The following USP49 variants were observed in gnomAD, a reference collection of about 807,000 sequenced individuals.
The protein encoded by USP49 is ubiquitin specific peptidase 49.
A neutral mutation model predicts 58.6 loss-of-function variants in USP49; 24 were observed. The ratio of observed to expected loss-of-function variants is 0.41; its 90% CI spans 0.30 to 0.58. The LOEUF (loss-of-function observed/expected upper bound fraction) is 0.58. Ranked by LOEUF, USP49 falls within the 20% of genes least tolerant of loss-of-function variation. The probability of loss-of-function intolerance (pLI) is 0.30; values close to 1 mark genes in which losing one functional copy is unlikely to be tolerated. For missense variants in USP49, 703 were observed against 866.1 expected, an observed-to-expected ratio of 0.81 and a Z score of 2.36; for synonymous variants, 408 against 365.1, an observed-to-expected ratio of 1.12 and a Z score of -1.34.
At chr6:41,878,292 A>G (rs1471986255) in intron 2 of USP49, among the ~76,000 whole-genome samples, 1 of 152,178 alleles carries the variant, frequency 6.6e-6, no homozygotes, top group Non-Finnish European at 1.5e-5. Context: ...GGTAGAATTC[A>G]AGAATCCTAA....
At chr6:41,869,677 A>G (rs1774381377) in intron 3 of USP49, 1 of 151,818 alleles carries the variant, frequency 6.6e-6, no homozygotes, top group South Asian at 2.1e-4. Flanking sequence ...ACCACTGCAC[A>G]CCAATCTGGG....
At chr6:41,808,367 G>C (rs1773180811) in intron 3 of USP49, among the ~76,000 whole-genome samples, 1 of 150,656 alleles carries the variant, frequency 6.6e-6, no homozygotes, top group South Asian at 2.1e-4. Context: ...AATCAGAGAA[G>C]CCTTGTGGGC....
chr6:41,888,511 C>A (rs192160299), intron 2 of USP49, among the ~76,000 whole-genome samples: 45 of 151,888 alleles, frequency 3.0e-4, no homozygotes, highest in African/African-American at 1.1e-3. Context: ...TGGAGTACAA[C>A]AGCACGATCT....
At chr6:41,836,568 G>A (rs919943000) in intron 3 of USP49, among the ~76,000 whole-genome samples, 2 of 152,118 alleles carry the variant, frequency 1.3e-5, no homozygotes, top group African/African-American at 4.8e-5. Flanking sequence ...AATAGGAAGA[G>A]AAGAAGTCAA....
chr6:41,888,012 T>C (rs1011792977), intron 2 of USP49, among the ~76,000 whole-genome samples: 29 of 151,246 alleles, frequency 1.9e-4, no homozygotes, highest in African/African-American at 6.8e-4. Context: ...TTTTTCATCC[T>C]TATGAAAGGG....
rs550120703 is a variant in USP49 at position 41,813,609 on chromosome 6, C to T, written c.-28-6598G>A. Reference sequence around the variant, plus strand: ...TTCTGATCTATAAATCTGCTGATCACGCACATCCTCTCCTGCACAGCCCTT... The same window carrying T: ...TTCTGATCTATAAATCTGCTGATCATGCACATCCTCTCCTGCACAGCCCTT... On this transcript the variant is annotated intron_variant, in intron 3 of 7. Transcript: ENST00000682992. Among the ~76,000 whole-genome samples the T allele has an allele frequency of 3.3e-5, 5 of 152,282 alleles. No individual in the cohort carries two copies. In the East Asian group the frequency reaches 9.6e-4, roughly 29 times the overall value.
chr6:41,831,492 A>G (rs1475566694), intron 3 of USP49, among the ~76,000 whole-genome samples: 3 of 151,674 alleles, frequency 2.0e-5, no homozygotes, highest in African/African-American at 7.3e-5. Context: ...AAGCAGGAGA[A>G]TTGCTTGAAC....
intron 3 of USP49, among the ~76,000 whole-genome samples, chr6:41,845,261 G>A (rs1773902469): frequency 6.6e-6 from 1 of 152,132 alleles, no homozygotes; most frequent in Non-Finnish European, 1.5e-5. Flanking sequence ...AAATAGGCCA[G>A]GTGTGGTGGC....
intron 3 of USP49, among the ~76,000 whole-genome samples, chr6:41,857,298 TG>T (rs1388990188): frequency 6.6e-6 from 1 of 152,226 alleles, no homozygotes; most frequent in Non-Finnish European, 1.5e-5. Flanking sequence ...GTATTAAGCA[TG>T]TTATCTCCTT....
At chr6:41,851,113 G>GA (rs1774020045) in intron 3 of USP49, among the ~76,000 whole-genome samples, 1 of 152,124 alleles carries the variant, frequency 6.6e-6, no homozygotes, top group South Asian at 2.1e-4. Flanking sequence ...AAAAACTGAG[G>GA]AGGAGGGAAC....
chr6:41,888,700 G>A (rs1774760060), intron 2 of USP49, among the ~76,000 whole-genome samples: 1 of 152,104 alleles, frequency 6.6e-6, no homozygotes, highest in East Asian at 1.9e-4. Context: ...TGATCCACCC[G>A]CCTCAGCCTC....
chr6:41,866,713 G>C (rs996133194), intron 3 of USP49, among the ~76,000 whole-genome samples: 1 of 152,188 alleles, frequency 6.6e-6, no homozygotes, highest in African/African-American at 2.4e-5. Context: ...GAAAACAGCT[G>C]TATTCTCCTA....
At chr6:41,870,707 G>A (rs1247896768) in intron 3 of USP49, among the ~76,000 whole-genome samples, 2 of 16,192 alleles carry the variant, frequency 1.2e-4, no homozygotes, top group Non-Finnish European at 3.3e-4. Flanking sequence ...TTTTTTTTTG[G>A]TAGAGATGAG....
intron 3 of USP49, among the ~76,000 whole-genome samples, chr6:41,825,136 A>G (rs1363995572): frequency 6.6e-6 from 1 of 152,234 alleles, no homozygotes; most frequent in African/African-American, 2.4e-5. Flanking sequence ...CTGTTTTAAA[A>G]TATCAACCTC....
intron 2 of USP49, among the ~76,000 whole-genome samples, chr6:41,883,394 C>T (rs1484970989): frequency 6.7e-6 from 1 of 149,276 alleles, no homozygotes; most frequent in East Asian, 2.0e-4. Context: ...CAGTGGCTCA[C>T]GCTTGTAATC....
chr6:41,794,153 G>A lies in USP49; in HGVS notation c.*2380C>T, dbSNP rs767225375. On this transcript the variant is annotated 3_prime_UTR_variant, in exon 8 of 8. Transcript: ENST00000682992. ...AACGTCCTAAGTGTCCAGTGCTGCC[G>A]CCTCTGGGTACCTGAGGTGTCTGTA... 6.6e-6 allele frequency: 1 copy of A among 152,186 alleles called. No homozygotes were observed. Among genetic ancestry groups the A allele is most frequent in the African/African-American group, 2.4e-5 (1 of 41,412 alleles). 9.4% of individuals were successfully genotyped at this position (152,186 alleles called of 1,614,324 possible). A position where few individuals can be genotyped will look rare whatever the true frequency, so the allele number is the denominator to read the frequency against.
chr6:41,859,745 C>A (rs1246404830), intron 3 of USP49, among the ~76,000 whole-genome samples: 1 of 152,076 alleles, frequency 6.6e-6, no homozygotes, highest in Non-Finnish European at 1.5e-5. Context: ...ACTGAGAAAG[C>A]TACAGTAATT....
chr6:41,807,214 A>G (rs2127324940), intron 3 of USP49, among the ~76,000 whole-genome samples: 1 of 152,310 alleles, frequency 6.6e-6, no homozygotes, highest in East Asian at 1.9e-4. Flanking sequence ...CAGGACAGTT[A>G]AATTACTTAA....
chr6:41,861,186 G>A (rs2127354829), intron 3 of USP49, among the ~76,000 whole-genome samples: 1 of 152,168 alleles, frequency 6.6e-6, no homozygotes, highest in East Asian at 1.9e-4. Context: ...GCTCACGCCT[G>A]TAATCTCAGC....
Sources: allele counts gnomAD v4.1 joint callset (sites outside exome capture counted in the v4.1 genomes callset), GRCh38; gene constraint gnomAD v4.1.1; transcripts MANE v1.5; gene names NCBI Gene and HGNC (gene_info 2026-07-23, HGNC 2026-07-21).